Variants in RFC4 observed in about 807,000 individuals in gnomAD.
RFC4 encodes the protein replication factor C subunit 4, also known as A1 37 kDa subunit.
In RFC4, 38 loss-of-function variants were observed where a neutral mutation model predicts 47.6. The observed-to-expected ratio is 0.80, with a 90% CI of 0.62 to 1.05. RFC4 has a LOEUF of 1.05. Among genes scored for constraint, RFC4 ranks in the 50% least tolerant of loss-of-function variants. The pLI is 0.00. For missense variants in RFC4, 489 were observed against 434.0 expected (o/e 1.13, Z -1.13); for synonymous variants, 164 against 150.0 (o/e 1.09, Z -0.68).
intron 5 of RFC4, among the ~76,000 whole-genome samples, chr3:186,794,275 T>A (rs554279628): frequency 1.4e-4 from 21 of 152,336 alleles, no homozygotes; most frequent in Non-Finnish European, 2.5e-4. Context: ...GTAGAAGGGA[T>A]CTCAGAGTCT....
rs1722238872 is a variant in RFC4 at position 186,796,054 on chromosome 3, CAT to C, written c.291-1279_291-1278del. Among the ~76,000 whole-genome samples, 2 of 146,222 alleles carry C rather than the reference CAT, an allele frequency of 1.4e-5. No individual in the cohort carries two copies. The highest frequency in any genetic ancestry group is 2.6e-5 in the African/African-American group (1 of 38,950). On this transcript the variant is annotated intron_variant, in intron 4 of 10. Transcript: ENST00000296273. This position sits in a 1 kb window ranked among gnomAD's most constrained non-coding sequence, Gnocchi z 4.2. ...ACACACACACACACACACACACACA[CAT>C]TTAAATAAAAAACAAGAGTTGTGAT...
intron 7 of RFC4, among the ~76,000 whole-genome samples, chr3:186,792,250 G>A (rs1722156758): frequency 6.6e-6 from 1 of 152,136 alleles, no homozygotes; most frequent in Non-Finnish European, 1.5e-5. Context: ...TGCATTATAT[G>A]TATGAAATCC....
At position 186,806,273 on chromosome 3, in the gene RFC4, T is replaced by C. The variant is rs373612534; in HGVS notation, c.-12+17A>G. The C allele has an allele frequency of 6.6e-6, 1 of 152,280 alleles. No individual in the cohort carries two copies. Among genetic ancestry groups the C allele is most frequent in the Non-Finnish European group, 1.5e-5 (1 of 68,090 alleles). 9.4% of individuals were successfully genotyped at this position (152,280 alleles called of 1,614,324 possible). ...TGGGGAAGGCGAAGCGGGCTTGCAG[T>C]TCCTCCAGCAGGTTACCAGTTAGCC... On this transcript the variant is annotated intron_variant, in intron 1 of 10. Coordinates refer to ENST00000296273, the MANE Select transcript of RFC4 (RefSeq NM_002916.5).
Position 186,790,313 on chromosome 3 carries a change from A to G in RFC4, c.882+13T>C. On this transcript the variant is annotated intron_variant, in intron 9 of 10. Transcript: ENST00000296273. ...TAATATTCCTTTCCCCAAAGTTAGT[A>G]AGCTGACTTTACCTTGACCACAGCT... is the stretch of plus-strand genomic sequence containing the variant. The G allele has an allele frequency of 6.2e-7, 1 of 1,611,588 alleles. No homozygotes were observed. The highest frequency in any genetic ancestry group is 8.5e-7 in the Non-Finnish European group (1 of 1,177,646).
chr3:186,789,946 CCCCCCATCCAGATATA>C lies in RFC4; in HGVS notation c.*7_*22del. The C allele has an allele frequency of 1.4e-6, 2 of 1,404,120 alleles. No homozygotes were observed. The highest frequency in any genetic ancestry group is 2.0e-6 in the Non-Finnish European group (2 of 996,914). 87.0% of individuals were successfully genotyped at this position (1,404,120 alleles called of 1,614,324 possible). On this transcript the variant is annotated 3_prime_UTR_variant, in exon 11 of 11. Coordinates refer to ENST00000296273, the MANE Select transcript of RFC4 (RefSeq NM_002916.5). The stretch of plus-strand genomic sequence containing the variant: ...TATTACAACTTCATTATTTACAAAA[CCCCCCATCCAGATATA>C]TTCACGTTAACAATTCTGAGATAAC...
At chr3:186,790,986 C>T (rs892511691) in intron 8 of RFC4, among the ~76,000 whole-genome samples, 3 of 152,132 alleles carry the variant, frequency 2.0e-5, no homozygotes, top group African/African-American at 4.8e-5. Flanking sequence ...GTCACAGAAA[C>T]AAAAGTTGTT....
At chr3:186,791,491 C>A in intron 8 of RFC4, 13 of 455,318 alleles carry the variant, frequency 2.9e-5, no homozygotes, top group Non-Finnish European at 4.4e-5. Flanking sequence ...AACAAAAAAA[C>A]TAACAACTGA....
At position 186,790,068 on chromosome 3, in the gene RFC4, C is replaced by A. The variant is rs769265594; in HGVS notation, c.997-4G>T. ...CTGCTAGGCATTTGTCAACTTCCTA[C>A]GAGAAAAATTTAAGAAATTAGCATC... On this transcript the variant is annotated splice_region_variant and splice_polypyrimidine_tract_variant and intron_variant, in intron 10 of 10. Transcript: ENST00000296273. The A allele has an allele frequency of 6.2e-6, 10 of 1,612,670 alleles. No homozygotes were observed. The Admixed American group carries it at 8.3e-5, about 13-fold the overall frequency.
intron 8 of RFC4, 91 bp downstream of exon 8, chr3:186,791,634 T>A: frequency 8.7e-7 from 1 of 1,147,376 alleles, no homozygotes; most frequent in South Asian, 1.2e-5. Context: ...ACTTGGCACT[T>A]GCTAAACACC....
intron 2 of RFC4, among the ~76,000 whole-genome samples, chr3:186,802,639 T>G (rs1475211711): frequency 6.6e-6 from 1 of 152,198 alleles, no homozygotes; most frequent in African/African-American, 2.4e-5. Flanking sequence ...CACTTCCAAC[T>G]CTAAGCTTAG....
At position 186,793,022 on chromosome 3, in the gene RFC4, G is replaced by T. The variant is rs764645027; in HGVS notation, c.411-75C>A. On this transcript the variant is annotated intron_variant, in intron 5 of 10. Coordinates refer to ENST00000296273, the MANE Select transcript of RFC4 (RefSeq NM_002916.5). This position sits in a 1 kb window ranked among gnomAD's most constrained non-coding sequence, Gnocchi z 4.2. ...TTAACAGCTTTGTTGAAAGATACAC[G>T]TACCATACAATTCACCCATTTAAAA... is the stretch of plus-strand genomic sequence containing the variant. The T allele has an allele frequency of 2.5e-6, 3 of 1,209,618 alleles. No individual in the cohort carries two copies. Among genetic ancestry groups the T allele is most frequent in the Non-Finnish European group, 3.5e-6 (3 of 861,606 alleles). 74.9% of individuals were successfully genotyped at this position (1,209,618 alleles called of 1,614,324 possible).
intron 3 of RFC4, among the ~76,000 whole-genome samples, chr3:186,798,545 A>T (rs1449531196): frequency 2.6e-5 from 4 of 151,946 alleles, no homozygotes; most frequent in African/African-American, 9.7e-5. Context: ...AACAAAAACA[A>T]ACCAAAAAAC....
chr3:186,804,519 G>A, intron 2 of RFC4, 64 bp downstream of exon 2: 14 of 1,334,410 alleles, frequency 1.0e-5, no homozygotes, highest in Middle Eastern at 1.9e-4. Flanking sequence ...AAAAAAAAAA[G>A]TGATCAGTAC....
intron 2 of RFC4, 95 bp from the exon 3 acceptor site, chr3:186,801,290 A>G: frequency 2.3e-6 from 2 of 866,828 alleles, no homozygotes; most frequent in Non-Finnish European, 3.8e-6. Context: ...ACCAATGACC[A>G]TTCTTAAACA....
At chr3:186,799,413 C>A (rs575195005) in intron 3 of RFC4, among the ~76,000 whole-genome samples, 15 of 152,302 alleles carry the variant, frequency 9.8e-5, no homozygotes, top group Admixed American at 2.6e-4. Context: ...GAAGTTCTTA[C>A]TTCAGCCTCA....
chr3:186,794,579 CA>C, intron 5 of RFC4, 78 bp downstream of exon 5: 1 of 1,412,184 alleles, frequency 7.1e-7, no homozygotes. Context: ...TGATCTTAGC[CA>C]AAAGGCTGAG....
At chr3:186,801,293 C>G in intron 2 of RFC4, 98 bp from the exon 3 acceptor site, 1 of 858,712 alleles carries the variant, frequency 1.2e-6, no homozygotes, top group South Asian at 1.4e-5. Flanking sequence ...AATGACCATT[C>G]TTAAACATCA....
chr3:186,790,118 G>GC, intron 10 of RFC4, 24 bp downstream of exon 10: 1 of 1,602,554 alleles, frequency 6.2e-7, no homozygotes, highest in Non-Finnish European at 8.5e-7. Flanking sequence ...ATGTTCCATT[G>GC]ACATGTGCAA....
At chr3:186,798,622 C>G (rs1722290954) in intron 3 of RFC4, among the ~76,000 whole-genome samples, 1 of 152,146 alleles carries the variant, frequency 6.6e-6, no homozygotes, top group African/African-American at 2.4e-5. Flanking sequence ...ACCTTCCAGG[C>G]TCTAGCTTAC....
Sources: allele counts gnomAD v4.1 joint callset (sites outside exome capture counted in the v4.1 genomes callset), GRCh38; gene constraint gnomAD v4.1.1; non-coding constraint Gnocchi (gnomAD v3.1); transcripts MANE v1.5; gene names NCBI Gene and HGNC (gene_info 2026-07-23, HGNC 2026-07-21).